CMSS1: variants seen among roughly 807,000 people sequenced by gnomAD.
CMSS1 encodes the protein protein CMSS1.
CMSS1 carries 33 observed loss-of-function variants against 43.5 expected under a neutral mutation model. The observed-to-expected ratio is 0.76, with a 90% CI of 0.57 to 1.01. The LOEUF is 1.01. Among genes scored for constraint, CMSS1 ranks in the 50% least tolerant of loss-of-function variants. The pLI is 0.00. For missense variants in CMSS1, 313 were observed against 326.4 expected (o/e 0.96, Z 0.32); for synonymous variants, 115 against 117.2 (o/e 0.98, Z 0.12).
intron 1 of CMSS1, among the ~76,000 whole-genome samples, chr3:99,926,077 A>C (rs949012804): frequency 2.6e-5 from 4 of 152,234 alleles, no homozygotes; most frequent in African/African-American, 9.6e-5. Context: ...TTTGTCATAA[A>C]AGATTTAGAA....
intron 1 of CMSS1, among the ~76,000 whole-genome samples, chr3:100,005,092 T>C (rs1709951089): frequency 6.6e-6 from 1 of 152,196 alleles, no homozygotes; most frequent in South Asian, 2.1e-4. Context: ...TCAACTCTTA[T>C]GAATAGGAAA....
chr3:100,159,565 A>G (rs1432618892), intron 2 of CMSS1, among the ~76,000 whole-genome samples: 1 of 152,254 alleles, frequency 6.6e-6, no homozygotes, highest in Non-Finnish European at 1.5e-5. Context: ...AAAACTCAGA[A>G]TAAGTTTTCA....
At chr3:99,951,653 C>T (rs186381339) in intron 1 of CMSS1, among the ~76,000 whole-genome samples, 162 of 152,290 alleles carry the variant, frequency 1.1e-3, no homozygotes, top group African/African-American at 3.7e-3. Context: ...TATACACAGT[C>T]CCCACTATGT....
rs138190543 is a variant in CMSS1, at chr3:100,090,582, C to G, written c.65-56391C>G. Among the ~76,000 whole-genome samples, 1,104 of 152,316 alleles carry G rather than the reference C, an allele frequency of 7.2e-3. 4 individuals carry two copies. The highest frequency in any genetic ancestry group is 0.01 in the African/African-American group (423 of 41,580). On this transcript the variant is annotated intron_variant, in intron 1 of 9. Transcript: ENST00000421999. ...CTGCAATCCCCTGCCTGGGCTCTTT[C>G]TCTGCAACACTAGCCTCTGCCTTTC...
At chr3:100,052,932 A>G (rs1341909230) in intron 1 of CMSS1, among the ~76,000 whole-genome samples, 1 of 152,176 alleles carries the variant, frequency 6.6e-6, no homozygotes, top group Non-Finnish European at 1.5e-5. Context: ...TGTAATATAT[A>G]ATTTCCCCTA....
chr3:99,927,168 T>C (rs1707318663), intron 1 of CMSS1, among the ~76,000 whole-genome samples: 1 of 152,226 alleles, frequency 6.6e-6, no homozygotes, highest in Admixed American at 6.5e-5. Context: ...GAAATCTTTT[T>C]TCCTCTTTCA....
At chr3:99,991,915 G>A (rs1245201366) in intron 1 of CMSS1, among the ~76,000 whole-genome samples, 2 of 137,342 alleles carry the variant, frequency 1.5e-5, no homozygotes, top group Non-Finnish European at 3.1e-5. Context: ...TACATATATA[G>A]GTATATATAC....
At position 100,179,964 on chromosome 3, in the gene CMSS1, A is replaced by C. The variant is rs562040776; in HGVS notation, c.*1576A>C. ...CCAAACCTCAGCTCTTGCCTTCTGC[A>C]CACCCATAAGCCCAACAGCACGTGG... On this transcript the variant is annotated 3_prime_UTR_variant, in exon 10 of 10. Coordinates refer to ENST00000421999, the MANE Select transcript of CMSS1 (RefSeq NM_032359.4). 3 of 152,430 alleles carry C rather than the reference A, an allele frequency of 2.0e-5. No individual in the cohort carries two copies. Among genetic ancestry groups the C allele is most frequent in the Non-Finnish European group, 4.4e-5 (3 of 68,090 alleles). 9.4% of individuals were successfully genotyped at this position (152,430 alleles called of 1,614,324 possible). A position where few individuals can be genotyped will look rare whatever the true frequency, so the allele number is the denominator to read the frequency against.
At chr3:99,839,497 A>G (rs1943036901) in intron 1 of CMSS1, among the ~76,000 whole-genome samples, 1 of 152,190 alleles carries the variant, frequency 6.6e-6, no homozygotes, top group Non-Finnish European at 1.5e-5. Context: ...AGAAAGGTCT[A>G]AACAGTAGAG....
At chr3:100,165,519 C>T (rs762192122) in intron 4 of CMSS1, among the ~76,000 whole-genome samples, 3 of 151,972 alleles carry the variant, frequency 2.0e-5, no homozygotes, top group Non-Finnish European at 4.4e-5. Flanking sequence ...CTAATGCTTT[C>T]GTTCTGTTTC....
intron 1 of CMSS1, among the ~76,000 whole-genome samples, chr3:100,060,147 G>A (rs926357578): frequency 2.0e-5 from 3 of 151,966 alleles, no homozygotes; most frequent in African/African-American, 7.3e-5. Context: ...TCACATGGTG[G>A]GTGGGCTACG....
At chr3:99,928,273 C>T (rs1707360694) in intron 1 of CMSS1, among the ~76,000 whole-genome samples, 2 of 152,012 alleles carry the variant, frequency 1.3e-5, no homozygotes, top group Admixed American at 6.6e-5. Context: ...CTTCCTAGAC[C>T]GAGGAAAAGG....
rs1186387745 is a variant in CMSS1, at chr3:100,130,306, A to G, written c.65-16667A>G. On this transcript the variant is annotated intron_variant, in intron 1 of 9. Transcript: ENST00000421999. ...CATTTGGGAAAGAAAAATTAATTCT[A>G]CTGGATGTTTCAGTGCACTACGTAG... Among the ~76,000 whole-genome samples the G allele has an allele frequency of 2.6e-5, 4 of 152,176 alleles. No individual in the cohort carries two copies. In the East Asian group the frequency reaches 7.7e-4, roughly 29 times the overall value.
At chr3:99,948,424 T>A (rs967787910) in intron 1 of CMSS1, among the ~76,000 whole-genome samples, 3 of 151,614 alleles carry the variant, frequency 2.0e-5, no homozygotes, top group Admixed American at 1.3e-4. Flanking sequence ...TGTAGTCCCA[T>A]CTACTCGTGA....
intron 1 of CMSS1, chr3:99,930,999 T>G: frequency 1.2e-6 from 2 of 1,613,752 alleles, no homozygotes; most frequent in Non-Finnish European, 1.7e-6. Flanking sequence ...GAGCCCTCGG[T>G]ATCACTGCCT....
intron 1 of CMSS1, among the ~76,000 whole-genome samples, chr3:100,042,175 G>C (rs2065216196): frequency 6.6e-6 from 1 of 152,178 alleles, no homozygotes; most frequent in South Asian, 2.1e-4. Flanking sequence ...GGCAAAAATT[G>C]TGGCAGTAGA....
intron 1 of CMSS1, among the ~76,000 whole-genome samples, chr3:99,952,215 T>A (rs1490706793): frequency 6.6e-6 from 1 of 152,128 alleles, no homozygotes; most frequent in African/African-American, 2.4e-5. Flanking sequence ...CAATTTCTAT[T>A]TGAGATCTGA....
At chr3:99,934,241 A>G (rs773876018) in intron 1 of CMSS1, among the ~76,000 whole-genome samples, 3 of 152,224 alleles carry the variant, frequency 2.0e-5, no homozygotes, top group Non-Finnish European at 4.4e-5. Context: ...CTCTACATGG[A>G]AGAAGATACA....
At chr3:99,843,344 C>T (rs1014085614) in intron 1 of CMSS1, among the ~76,000 whole-genome samples, 1 of 152,172 alleles carries the variant, frequency 6.6e-6, no homozygotes, top group Non-Finnish European at 1.5e-5. Context: ...GGAATCTTCC[C>T]ACCCAATAAA....
Sources: gnomAD v4.1 joint callset for allele counts (sites outside exome capture counted in the v4.1 genomes callset) on GRCh38, gnomAD v4.1.1 for gene constraint, MANE v1.5 for transcripts, NCBI Gene and HGNC (gene_info 2026-07-23, HGNC 2026-07-21) for gene names.